The following ERVW-1 variants were observed in gnomAD, a reference collection of about 807,000 sequenced individuals.
ERVW-1 encodes the protein syncytin-1.
ERVW-1 carries 21 observed loss-of-function variants against 16.6 expected under a neutral mutation model. The observed-to-expected ratio is 1.26, with a 90% confidence interval of 0.90 to 1.82. The LOEUF (loss-of-function observed/expected upper bound fraction) is 1.82. Among genes scored for constraint, ERVW-1 ranks in the 40% most tolerant of loss-of-function variants. The pLI, the probability that ERVW-1 is intolerant of heterozygous loss-of-function variation, is 0.00. For synonymous variants in ERVW-1, 161 were observed against 109.8 expected, an observed-to-expected ratio of 1.47 and a Z score of -2.92; for missense variants, 412 against 300.2, an observed-to-expected ratio of 1.37 and a Z score of -2.75.
chr7:92,477,808 C>T lies in ERVW-1; in HGVS notation c.-654G>A. On this transcript the variant is annotated 5_prime_UTR_variant, in exon 1 of 2. Transcript: ENST00000603053. The stretch of plus-strand genomic sequence containing the variant: ...GCAGGTCTGCGGTGGTGGCAAACAG[C>T]AGTGGTGGACGGTGAGCAAAAGCTC... 5.6e-6 allele frequency: 1 copy of T among 178,716 alleles called. No individual in the cohort carries two copies. Among genetic ancestry groups the T allele is most frequent in the South Asian group, 1.5e-4 (1 of 6,462 alleles). The allele number at this position is 178,716 out of a possible 1,614,324, so 11.1% of individuals were successfully genotyped here. A position where few individuals can be genotyped will look rare whatever the true frequency, so the allele number is the denominator to read the frequency against.
chr7:92,474,166 TC>T (rs1290500129), intron 1 of ERVW-1, among the ~76,000 whole-genome samples: 1 of 152,112 alleles, frequency 6.6e-6, no homozygotes, highest in Non-Finnish European at 1.5e-5. Flanking sequence ...ATCCCGTTTG[TC>T]CTGTTCCGCC....
At chr7:92,474,319 A>G (rs1246881867) in intron 1 of ERVW-1, among the ~76,000 whole-genome samples, 3 of 152,038 alleles carry the variant, frequency 2.0e-5, no homozygotes, top group Non-Finnish European at 4.4e-5. Flanking sequence ...ACGCTTTAAG[A>G]TTAGTTGGCC....
At chr7:92,475,543 C>T (rs746696315) in intron 1 of ERVW-1, among the ~76,000 whole-genome samples, 4 of 152,060 alleles carry the variant, frequency 2.6e-5, no homozygotes, top group East Asian at 1.9e-4. Context: ...CCTTTACCAG[C>T]GTGCCCAACA....
intron 1 of ERVW-1, among the ~76,000 whole-genome samples, chr7:92,476,696 T>G (rs1167564300): frequency 3.9e-5 from 6 of 151,934 alleles, no homozygotes; most frequent in Admixed American, 2.0e-4. Flanking sequence ...TCTCTCTCTC[T>G]CCTCTGTCTC....
rs559974538 is a variant in ERVW-1, at chr7:92,468,754, C to T, written c.*11G>A. 7.4e-5 allele frequency: 52 copies of T among 705,936 alleles called. No homozygotes were observed. Among genetic ancestry groups the T allele is most frequent in the African/African-American group, 3.9e-4 (22 of 57,102 alleles). 43.7% of individuals were successfully genotyped at this position (705,936 alleles called of 1,614,324 possible). On this transcript the variant is annotated 3_prime_UTR_variant, in exon 2 of 2. Coordinates refer to ENST00000603053, the MANE Select transcript of ERVW-1 (RefSeq NM_001130925.2). ...CCTAAGTGCTGTTGGGGAGGTTGGC[C>T]GACGACCGCTCTAACTGCTTCCTGC...
In ERVW-1 at chr7:92,469,025, C is replaced by G. The variant is rs1172717298; in HGVS notation, c.1357G>C (p.Gly453Arg). Reference sequence around the variant, plus strand: ...AGCAATATTATAGCTGCTAGAGGTCCTAAGAAGGGGAGAATCCAGGGCATC... The same window carrying G: ...AGCAATATTATAGCTGCTAGAGGTCGTAAGAAGGGGAGAATCCAGGGCATC... ...QWMPWILPFL[G>R]PLAAIILLLL... Residue 453 changes from glycine to arginine, a missense_variant, in exon 2 of 2, where the codon GGA becomes CGA. By Grantham distance (125) the Gly-to-Arg change is moderately radical (BLOSUM62 -2). Transcript: ENST00000603053. 1 of 723,316 alleles carries G rather than the reference C, an allele frequency of 1.4e-6. No homozygotes were observed. Among genetic ancestry groups the G allele is most frequent in the Admixed American group, 1.9e-5 (1 of 51,498 alleles). 44.8% of individuals were successfully genotyped at this position (723,316 alleles called of 1,614,324 possible). A position where few individuals can be genotyped will look rare whatever the true frequency, so the allele number is the denominator to read the frequency against.
At chr7:92,471,651 G>T (rs1445412644) in intron 1 of ERVW-1, 2 of 152,086 alleles carry the variant, frequency 1.3e-5, no homozygotes, top group Non-Finnish European at 2.9e-5. Context: ...AGCTCTTTTG[G>T]CTTCAATATC....
chr7:92,468,607 A>G lies in ERVW-1; in HGVS notation c.*158T>C. On this transcript the variant is annotated 3_prime_UTR_variant, in exon 2 of 2. Transcript: ENST00000603053. ...CTCTCTGATTGGTCAGGTGTGAGCT[A>G]AGTTGCAAGCCCCGTGTTTAAAGGT... 1 of 552,056 alleles carries G rather than the reference A, an allele frequency of 1.8e-6. No homozygotes were observed. The highest frequency in any genetic ancestry group is 3.2e-6 in the Non-Finnish European group (1 of 312,774). 34.2% of individuals were successfully genotyped at this position (552,056 alleles called of 1,614,324 possible).
intron 1 of ERVW-1, among the ~76,000 whole-genome samples, chr7:92,474,267 A>G (rs564990265): frequency 6.6e-6 from 1 of 152,166 alleles, no homozygotes; most frequent in African/African-American, 2.4e-5. Flanking sequence ...CAGACTTTTG[A>G]AGTTTTTTTC....
Position 92,469,690 on chromosome 7 carries a change from T to C in ERVW-1, c.692A>G (p.His231Arg). ...GPLVSNLEITHTSNLTCVKFS... is the reference protein window; with the variant it reads ...GPLVSNLEITRTSNLTCVKFS... The stretch of plus-strand genomic sequence containing the variant: ...TTTTACACAGGTGAGGTTTGAGGTA[T>C]GGGTTATTTCCAGATTGGAAACAAG... Residue 231 changes from histidine (H) to arginine (R), a missense_variant, in exon 2 of 2, where the codon CAT becomes CGT. Transcript: ENST00000603053. 6.5e-6 allele frequency: 5 copies of C among 764,354 alleles called. No individual in the cohort carries two copies. The highest frequency in any genetic ancestry group is 2.4e-5 in the East Asian group (1 of 41,256). 47.3% of individuals were successfully genotyped at this position (764,354 alleles called of 1,614,324 possible).
At position 92,470,337 on chromosome 7, in the gene ERVW-1, G is replaced by C; in HGVS notation, c.45C>G (p.Pro15=). 1 of 750,738 alleles carries C rather than the reference G, an allele frequency of 1.3e-6. No homozygotes were observed. The allele number at this position is 750,738 out of a possible 1,614,324, so 46.5% of individuals were successfully genotyped here. A position where few individuals can be genotyped will look rare whatever the true frequency, so the allele number is the denominator to read the frequency against. ...GAGGGGGTGCAGTGAGAGTGAAAGA[G>C]GGTAAAAGAACAGTAAAGAGAAAAA... is the stretch of plus-strand genomic sequence containing the variant. ...YHIFLFTVLL[P]SFTLTAPPPC... is the part of the protein sequence containing the mutation. The change falls in exon 2 of 2, where the codon CCC becomes CCG. Residue 15 remains proline (P), a synonymous_variant. Transcript: ENST00000603053.
chr7:92,475,935 A>G (rs1352654977), intron 1 of ERVW-1, among the ~76,000 whole-genome samples: 1 of 152,186 alleles, frequency 6.6e-6, no homozygotes, highest in Non-Finnish European at 1.5e-5. Context: ...CTGAGTGCAA[A>G]CAGCTCACAC....
chr7:92,476,707 T>C (rs1462346972), intron 1 of ERVW-1, among the ~76,000 whole-genome samples: 2 of 152,022 alleles, frequency 1.3e-5, no homozygotes, highest in Non-Finnish European at 2.9e-5. Flanking sequence ...CCTCTGTCTC[T>C]CTTTTCCCTC....
At chr7:92,471,648 T>A (rs1336937284) in intron 1 of ERVW-1, 1 of 152,220 alleles carries the variant, frequency 6.6e-6, no homozygotes, top group Admixed American at 6.5e-5. Context: ...TGCAGCTCTT[T>A]TGGCTTCAAT....
chr7:92,470,367 A>G lies in ERVW-1; in HGVS notation c.15T>C (p.Tyr5=). MALP[Y]HIFLFTVLLP... is the part of the protein sequence containing the mutation. ...AAAGAACAGTAAAGAGAAAAATATG[A>G]TAAGGGAGGGCCATGGGGATTTATG... Residue 5 remains tyrosine, a synonymous_variant, in exon 2 of 2, where the codon TAT becomes TAC. Transcript: ENST00000603053. The G allele has an allele frequency of 1.4e-6, 1 of 710,368 alleles. No individual in the cohort carries two copies. Among genetic ancestry groups the G allele is most frequent in the East Asian group, 2.5e-5 (1 of 40,658 alleles). 44.0% of individuals were successfully genotyped at this position (710,368 alleles called of 1,614,324 possible). A position where few individuals can be genotyped will look rare whatever the true frequency, so the allele number is the denominator to read the frequency against.
Position 92,469,616 on chromosome 7 carries a change from T to C in ERVW-1, c.766A>G (p.Thr256Ala). The change falls in exon 2 of 2, where the codon ACT becomes GCT. Residue 256 changes from threonine (T) to alanine (A), a missense_variant. Thr to Ala is a moderately conservative substitution (Grantham distance 58). Transcript: ENST00000603053. ...TTNSQCIRWV[T>A]PPTQIVCLPS... ...AGGCAGACTATTTGTGTGGGAGGAG[T>C]TACCCACCTGATGCATTGGGAGTTG... The C allele has an allele frequency of 2.6e-6, 2 of 764,498 alleles. No individual in the cohort carries two copies. Among genetic ancestry groups the C allele is most frequent in the South Asian group, 1.3e-5 (1 of 74,528 alleles). 47.4% of individuals were successfully genotyped at this position (764,498 alleles called of 1,614,324 possible).
intron 1 of ERVW-1, chr7:92,475,201 A>G (rs949592405): frequency 1.3e-5 from 2 of 152,196 alleles, no homozygotes; most frequent in Non-Finnish European, 2.9e-5. Context: ...GCGGCACTGC[A>G]GAAGAATATA....
In ERVW-1 at chr7:92,470,413, GGTT is replaced by G. The variant is rs765022537; in HGVS notation, c.-35_-33del. On this transcript the variant is annotated 5_prime_UTR_variant, in exon 2 of 2. Coordinates refer to ENST00000603053, the MANE Select transcript of ERVW-1 (RefSeq NM_001130925.2). ...TTATGATTTTAGTTACTTTCCTCCT[GGTT>G]GTTGTTTGAAGAGCAGGCGCAAATC... 7.5e-6 allele frequency: 5 copies of G among 662,294 alleles called. No individual in the cohort carries two copies. Among genetic ancestry groups the G allele is most frequent in the African/African-American group, 3.6e-5 (2 of 55,226 alleles). The allele number at this position is 662,294 out of a possible 1,614,324, so 41.0% of individuals were successfully genotyped here. A position where few individuals can be genotyped will look rare whatever the true frequency, so the allele number is the denominator to read the frequency against.
At chr7:92,471,767 A>G (rs1790361398) in intron 1 of ERVW-1, 1 of 152,170 alleles carries the variant, frequency 6.6e-6, no homozygotes, top group Admixed American at 6.5e-5. Context: ...ATAATTTCCT[A>G]ATGGCTTCCT....
Sources: gnomAD v4.1 joint callset for allele counts (sites outside exome capture counted in the v4.1 genomes callset) on GRCh38, gnomAD v4.1.1 for gene constraint, MANE v1.5 for transcripts, NCBI Gene and HGNC (gene_info 2026-07-23, HGNC 2026-07-21) for gene names.